UNC13C: variants seen among roughly 807,000 people sequenced by gnomAD.
UNC13C encodes the protein unc-13 homolog C.
A neutral mutation model predicts 245.4 loss-of-function variants in UNC13C; 174 were observed. The observed-to-expected ratio is 0.71, with a 90% CI of 0.63 to 0.80. The LOEUF is 0.80. UNC13C is among the 30% of genes least tolerant of loss of function. UNC13C has a pLI of 0.00. For synonymous variants in UNC13C, 992 were observed against 895.1 expected (o/e 1.11, Z -1.93); for missense variants, 2,829 against 2,602.9 (o/e 1.09, Z -1.89).
In UNC13C at chr15:54,424,215, T is replaced by C. The variant is rs192952865; in HGVS notation, c.4933+9148T>C. On this transcript the variant is annotated intron_variant, in intron 19 of 32. Coordinates refer to ENST00000260323, the MANE Select transcript of UNC13C (RefSeq NM_001080534.3). ...TAGATATAACCAATGAAAAAAAAAA[T>C]AGCTGTGACTATTTTTGTAATATTT... Among the ~76,000 whole-genome samples the C allele has an allele frequency of 5.2e-4, 79 of 151,048 alleles. 1 individual carries two copies. The highest frequency in any genetic ancestry group is 9.2e-4 in the Non-Finnish European group (62 of 67,642).
At chr15:53,950,751 A>C in the UNC13C span, among the ~76,000 whole-genome samples, 1 of 152,086 alleles carries the variant, frequency 6.6e-6, no homozygotes, top group East Asian at 1.9e-4. Flanking sequence ...GGGGTTATGC[A>C]TTTTTCTCAG....
chr15:53,974,105 A>G (rs1893624959), upstream of UNC13C, among the ~76,000 whole-genome samples: 1 of 152,164 alleles, frequency 6.6e-6, no homozygotes. Flanking sequence ...TAATACTACT[A>G]TAATGTTTTG....
chr15:54,162,340 T>A (rs528214895), intron 4 of UNC13C, among the ~76,000 whole-genome samples: 2 of 152,262 alleles, frequency 1.3e-5, no homozygotes, highest in African/African-American at 4.8e-5. Context: ...AGAGACCTGA[T>A]TCCTTTGGCT....
chr15:54,098,377 G>A (rs990986975), intron 2 of UNC13C, among the ~76,000 whole-genome samples: 1 of 152,102 alleles, frequency 6.6e-6, no homozygotes, highest in Non-Finnish European at 1.5e-5. Flanking sequence ...GTTTCACCAT[G>A]TTGGCCAGGC....
intron 2 of UNC13C, among the ~76,000 whole-genome samples, chr15:54,029,942 C>T (rs1257696176): frequency 6.6e-6 from 1 of 152,178 alleles, no homozygotes. Context: ...CAGCAACCCT[C>T]AACCAGTAAA....
At chr15:54,239,237 C>G (rs1438849654) in intron 7 of UNC13C, among the ~76,000 whole-genome samples, 1 of 152,168 alleles carries the variant, frequency 6.6e-6, no homozygotes, top group Non-Finnish European at 1.5e-5. Flanking sequence ...CTTCCTTCTT[C>G]TTTCTGTCAT....
chr15:54,216,395 G>A (rs549362644), intron 4 of UNC13C, among the ~76,000 whole-genome samples: 53 of 151,914 alleles, frequency 3.5e-4, no homozygotes, highest in Admixed American at 3.3e-4. Flanking sequence ...ACAAAACAGA[G>A]ACGAGGAAAC....
chr15:54,166,256 T>A (rs1294287811), intron 4 of UNC13C, among the ~76,000 whole-genome samples: 1 of 152,092 alleles, frequency 6.6e-6, no homozygotes, highest in African/African-American at 2.4e-5. Context: ...TTGCTTCCAG[T>A]CTTCTTAGAG....
At chr15:53,911,105 A>G in the UNC13C span, 1 of 152,178 alleles carries the variant, frequency 6.6e-6, no homozygotes, top group African/African-American at 2.4e-5. Context: ...GCAGCGTCGG[A>G]TGGGCGTTTC....
In UNC13C at chr15:54,187,548, C is replaced by T. The variant is rs377509938; in HGVS notation, c.3071+43864C>T. 1.1e-4 allele frequency among the ~76,000 whole-genome samples: 16 copies of T among 152,180 alleles called. No individual in the cohort carries two copies. The East Asian group carries it at 1.4e-3, about 13-fold the overall frequency. On this transcript the variant is annotated intron_variant, in intron 4 of 32. Transcript: ENST00000260323. ...ACAGCTGGCCCATTGTCTCTGATAC[C>T]CCTCTGCTCAGAGTAGCCTTTCTAC... is the stretch of plus-strand genomic sequence containing the variant.
At chr15:54,141,676 T>G (rs927797194) in intron 2 of UNC13C, among the ~76,000 whole-genome samples, 4 of 152,098 alleles carry the variant, frequency 2.6e-5, no homozygotes, top group Non-Finnish European at 4.4e-5. Context: ...GGTACAATTT[T>G]CTTGAATATG....
intron 30 of UNC13C, among the ~76,000 whole-genome samples, chr15:54,580,454 A>G (rs901847765): frequency 6.6e-6 from 1 of 152,220 alleles, no homozygotes; most frequent in Non-Finnish European, 1.5e-5. Flanking sequence ...GAAGAAAGGC[A>G]AGAAATGCGA....
chr15:54,157,571 T>C (rs1246595567), intron 4 of UNC13C, among the ~76,000 whole-genome samples: 3 of 152,176 alleles, frequency 2.0e-5, no homozygotes, highest in Non-Finnish European at 4.4e-5. Flanking sequence ...AGGAAAGCCT[T>C]GAGCAAACCA....
intron 2 of UNC13C, among the ~76,000 whole-genome samples, chr15:54,134,671 C>T (rs1479752574): frequency 6.6e-6 from 1 of 151,956 alleles, no homozygotes; most frequent in African/African-American, 2.4e-5. Context: ...AGGCGCCAGC[C>T]ACCACGCCTG....
chr15:54,110,052 C>T (rs922097346), intron 2 of UNC13C, among the ~76,000 whole-genome samples: 16 of 152,002 alleles, frequency 1.1e-4, no homozygotes, highest in African/African-American at 3.6e-4. Context: ...CTGAAGCAGA[C>T]AGATCACTTG....
intron 4 of UNC13C, among the ~76,000 whole-genome samples, chr15:54,150,177 TTGA>T (rs1172706521): frequency 6.6e-6 from 1 of 152,244 alleles, no homozygotes; most frequent in Non-Finnish European, 1.5e-5. Context: ...TTATATTAGT[TTGA>T]TAAGTTGCAT....
At chr15:53,864,170 A>C in the UNC13C span, among the ~76,000 whole-genome samples, 42,889 of 152,010 alleles carry the variant, frequency 0.28, 6,896 homozygotes, top group Non-Finnish European at 0.35. Flanking sequence ...TTTCCAAGGA[A>C]ATCCAACCTA....
chr15:54,020,913 G>A lies in UNC13C; in HGVS notation c.2983+5027G>A, dbSNP rs371364962. On this transcript the variant is annotated intron_variant, in intron 2 of 32. Coordinates refer to ENST00000260323, the MANE Select transcript of UNC13C (RefSeq NM_001080534.3). ...CATAGCAATACTGGTAATAGTAGAA[G>A]GCAACTTATTTGCAAAATGTTCCAT... Among the ~76,000 whole-genome samples the A allele has an allele frequency of 5.9e-5, 9 of 151,808 alleles. No individual in the cohort carries two copies. In the South Asian group the frequency reaches 1.9e-3, roughly 32 times the overall value.
At chr15:54,509,084 A>C (rs987210110) in intron 23 of UNC13C, among the ~76,000 whole-genome samples, 2 of 152,104 alleles carry the variant, frequency 1.3e-5, no homozygotes, top group Non-Finnish European at 2.9e-5. Flanking sequence ...CTGTAATCCA[A>C]GCTACTTGGG....
Sources: gnomAD v4.1 joint callset for allele counts (sites outside exome capture counted in the v4.1 genomes callset) on GRCh38, gnomAD v4.1.1 for gene constraint, MANE v1.5 for transcripts, NCBI Gene and HGNC (gene_info 2026-07-23, HGNC 2026-07-21) for gene names.